TTC39A: variants seen among roughly 807,000 people sequenced by gnomAD.
TTC39A encodes the protein tetratricopeptide repeat domain 39A, also known as tetratricopeptide repeat protein 39A.
A neutral mutation model predicts 82.3 loss-of-function variants in TTC39A; 46 were observed. The observed-to-expected ratio is 0.56, with a 90% CI of 0.44 to 0.71. TTC39A has a LOEUF of 0.71. Among genes scored for constraint, TTC39A ranks in the 30% least tolerant of loss-of-function variants. The probability of loss-of-function intolerance (pLI) is 0.00; values close to 1 mark genes in which losing one functional copy is unlikely to be tolerated. For missense variants in TTC39A, 543 were observed against 712.9 expected (o/e 0.76, Z 2.71); for synonymous variants, 254 against 275.2 (o/e 0.92, Z 0.76).
At chr1:51,309,178 C>A in intron 6 of TTC39A, 83 bp downstream of exon 6, 1 of 1,504,976 alleles carries the variant, frequency 6.6e-7, no homozygotes, top group Non-Finnish European at 8.9e-7. Flanking sequence ...CTCTTCTTCT[C>A]CCACAAAGCC....
chr1:51,305,903 C>T, intron 7 of TTC39A, 74 bp downstream of exon 7: 1 of 1,459,736 alleles, frequency 6.9e-7, no homozygotes, highest in Non-Finnish European at 9.6e-7. Flanking sequence ...TGGCAGTGAC[C>T]ACACATGAGT....
At chr1:51,322,040 T>C in intron 1 of TTC39A, 1 of 1,514,376 alleles carries the variant, frequency 6.6e-7, no homozygotes, top group Non-Finnish European at 8.9e-7. Context: ...CAGAAGGGAA[T>C]GTCATCAGAG....
chr1:51,344,974 C>T (rs890395681), intron 1 of TTC39A: 3 of 1,525,268 alleles, frequency 2.0e-6, no homozygotes, highest in African/African-American at 2.9e-5. Flanking sequence ...CGCCGAGTCC[C>T]CACCCCTGCC....
intron 2 of TTC39A, among the ~76,000 whole-genome samples, chr1:51,320,938 T>C (rs1302401179): frequency 6.7e-6 from 1 of 148,908 alleles, no homozygotes. Context: ...AGTGGCACGA[T>C]CTTGGCTCAC....
At position 51,320,465 on chromosome 1, in the gene TTC39A, G is replaced by A. The variant is rs140239061; in HGVS notation, c.146+1256C>T. Among the ~76,000 whole-genome samples, 264 of 118,668 alleles carry A rather than the reference G, an allele frequency of 2.2e-3. 7 individuals carry two copies. Among genetic ancestry groups the A allele is most frequent in the African/African-American group, 8.2e-3 (246 of 29,874 alleles). 77.9% of individuals were successfully genotyped at this position (118,668 alleles called of 152,430 possible). A position where few individuals can be genotyped will look rare whatever the true frequency, so the allele number is the denominator to read the frequency against. On this transcript the variant is annotated intron_variant, in intron 2 of 17. Transcript: ENST00000680483. ...ACAGGGTTTTGCTCTGTTGCCCCATGCTGGAGTGCAGTGGTGCACAAGATC... is the reference window on the plus strand; with the variant it reads ...ACAGGGTTTTGCTCTGTTGCCCCATACTGGAGTGCAGTGGTGCACAAGATC...
Position 51,288,817 on chromosome 1 carries a change from A to G in TTC39A, c.1610+22T>C. The stretch of plus-strand genomic sequence containing the variant: ...TGAGTTCAGAGGGAGCAAAGGACAG[A>G]CTGAGGTTACCCAAGCCTTACTTGG... On this transcript the variant is annotated intron_variant, in intron 17 of 17. Coordinates refer to ENST00000680483, the MANE Select transcript of TTC39A (RefSeq NM_001297663.2). This position sits in a 1 kb window ranked among gnomAD's most constrained non-coding sequence, Gnocchi z 4.8. 6.3e-7 allele frequency: 1 copy of G among 1,576,892 alleles called. No individual in the cohort carries two copies. Among genetic ancestry groups the G allele is most frequent in the Non-Finnish European group, 8.6e-7 (1 of 1,160,040 alleles).
chr1:51,333,715 GTGTGTT>G (rs1431438402), upstream of TTC39A, among the ~76,000 whole-genome samples: 14 of 152,218 alleles, frequency 9.2e-5, no homozygotes, highest in African/African-American at 3.1e-4. Context: ...TGTGTGGTAT[GTGTGTT>G]TGGGGTGGTG....
At chr1:51,302,736 G>A (rs920547699) in intron 9 of TTC39A, among the ~76,000 whole-genome samples, 163 bp from the exon 10 acceptor site, 12 of 152,104 alleles carry the variant, frequency 7.9e-5, no homozygotes, top group African/African-American at 2.7e-4. Context: ...AATAAGGCAG[G>A]GCAGATATCG....
chr1:51,297,443 T>C (rs1477503209), intron 12 of TTC39A: 1 of 152,088 alleles, frequency 6.6e-6, no homozygotes. Flanking sequence ...GGTTTCAAAC[T>C]CCTGACCTCA....
At chr1:51,318,343 A>G (rs769872086) in intron 2 of TTC39A, among the ~76,000 whole-genome samples, 12 of 152,176 alleles carry the variant, frequency 7.9e-5, no homozygotes, top group African/African-American at 2.9e-4. Flanking sequence ...GAACCTGGAC[A>G]TTCCAAGACA....
chr1:51,331,850 T>A, upstream of TTC39A: 8 of 980,512 alleles, frequency 8.2e-6, no homozygotes, highest in Non-Finnish European at 8.5e-6. Flanking sequence ...CTGGAAGAGG[T>A]GGTGACAGAA....
chr1:51,344,945 TG>T, intron 1 of TTC39A: 1 of 1,525,722 alleles, frequency 6.6e-7, no homozygotes. Context: ...GGCGGCCCCT[TG>T]GTCCCGTCCG....
intron 2 of TTC39A, 59 bp from the exon 3 acceptor site, chr1:51,313,002 C>G: frequency 6.3e-7 from 1 of 1,577,072 alleles, no homozygotes; most frequent in Non-Finnish European, 8.6e-7. Context: ...GGCAGCTGGT[C>G]CTGGGCAGCT....
At chr1:51,295,785 A>T (rs1644392626) in intron 13 of TTC39A, 5 of 477,486 alleles carry the variant, frequency 1.0e-5, no homozygotes, top group Non-Finnish European at 1.9e-5. Flanking sequence ...TTGGAGCCAC[A>T]TCTGTCCTAC....
At chr1:51,295,933 G>A (rs1302488389) in intron 13 of TTC39A, 146 bp downstream of exon 13, 5 of 782,180 alleles carry the variant, frequency 6.4e-6, no homozygotes, top group Admixed American at 2.1e-5. Context: ...AGGACACGCA[G>A]GGGGGGCAGT....
upstream of TTC39A, among the ~76,000 whole-genome samples, chr1:51,335,893 A>G (rs1280305814): frequency 6.6e-6 from 1 of 152,160 alleles, no homozygotes; most frequent in East Asian, 1.9e-4. Flanking sequence ...TTTCCCATCT[A>G]TAAACCTGGG....
intron 1 of TTC39A, chr1:51,343,199 G>A: frequency 2.6e-6 from 1 of 385,702 alleles, no homozygotes; most frequent in Non-Finnish European, 5.5e-6. Context: ...GGGAACATGG[G>A]GACAAATGAG....
Position 51,312,195 on chromosome 1 carries a change from C to A in TTC39A, c.279G>T (p.Arg93Ser). ...MMKEAQMLCQ[R>S]HRRKSSVTDS... ...CTGTTACAGAAGACTTCCTCCGGTG[C>A]CTGAAGAGGAAAAAGAGGGGCCTCA... The change falls in exon 4 of 18, where the codon AGG becomes AGT. Residue 93 changes from arginine (R) to serine (S), a missense_variant and splice_region_variant. By Grantham distance (110) the Arg-to-Ser change is moderately radical. Coordinates refer to ENST00000680483, the MANE Select transcript of TTC39A (RefSeq NM_001297663.2). The A allele has an allele frequency of 1.2e-6, 2 of 1,604,954 alleles. No homozygotes were observed. The highest frequency in any genetic ancestry group is 1.7e-6 in the Non-Finnish European group (2 of 1,175,812).
chr1:51,307,325 G>C (rs1179332839), intron 6 of TTC39A, among the ~76,000 whole-genome samples: 1 of 152,086 alleles, frequency 6.6e-6, no homozygotes, highest in Non-Finnish European at 1.5e-5. Flanking sequence ...TCTAGCATAG[G>C]CCTCCAAGGT....
Sources: gnomAD v4.1 joint callset for allele counts (sites outside exome capture counted in the v4.1 genomes callset) on GRCh38, gnomAD v4.1.1 for gene constraint, Gnocchi (gnomAD v3.1) non-coding constraint, MANE v1.5 for transcripts, NCBI Gene and HGNC (gene_info 2026-07-23, HGNC 2026-07-21) for gene names.